CLN6: variants seen among roughly 807,000 people sequenced by gnomAD.
CLN6 encodes CLN6 transmembrane ER protein, also known as ceroid-lipofuscinosis neuronal protein 6.
In CLN6, 22 loss-of-function variants were observed where a neutral mutation model predicts 33.3. That is an observed-to-expected ratio of 0.66 (90% CI 0.47 to 0.94). CLN6 has a LOEUF of 0.94. CLN6 is among the 40% of genes least tolerant of loss of function. CLN6 has a pLI of 0.00. For synonymous variants in CLN6, 201 were observed against 174.6 expected (o/e 1.15, Z -1.19); for missense variants, 387 against 417.1 (o/e 0.93, Z 0.63).
At chr15:68,240,702 G>T (rs1444917706) in intron 1 of CLN6, among the ~76,000 whole-genome samples, 1 of 151,858 alleles carries the variant, frequency 6.6e-6, no homozygotes, top group East Asian at 1.9e-4. Context: ...AAGGGGACAG[G>T]GCCGGGTGCG....
Position 68,211,899 on chromosome 15 carries a change from C to A in CLN6, c.298-36G>T, listed in dbSNP as rs1267844502. 1.2e-6 allele frequency: 2 copies of A among 1,605,716 alleles called. No individual in the cohort carries two copies. Among genetic ancestry groups the A allele is most frequent in the African/African-American group, 1.3e-5 (1 of 74,772 alleles). The stretch of plus-strand genomic sequence containing the variant: ...GAGTGGGGTTGGCAGCATGACCCCA[C>A]CTCTGTCACAGTATGTGACACCCTC... On this transcript the variant is annotated intron_variant, in intron 3 of 6. Transcript: ENST00000249806. The surrounding 1 kb of genome is among the most constrained non-coding windows in gnomAD (Gnocchi z 5.9).
intron 1 of CLN6, among the ~76,000 whole-genome samples, chr15:68,251,417 G>A (rs112855590): frequency 0.066 from 10,026 of 151,816 alleles, 1,086 homozygotes; most frequent in African/African-American, 0.23. Context: ...GCTCACACCT[G>A]TAATCCCAGC....
intron 2 of CLN6, chr15:68,215,346 ACT>A (rs1440595551): frequency 1.3e-5 from 2 of 152,142 alleles, no homozygotes; most frequent in Non-Finnish European, 2.9e-5. Flanking sequence ...TTGCTAAAAT[ACT>A]CTGTGATAGC....
At chr15:68,222,594 G>A (rs989083745) in intron 1 of CLN6, among the ~76,000 whole-genome samples, 3 of 152,180 alleles carry the variant, frequency 2.0e-5, no homozygotes, top group African/African-American at 7.2e-5. Context: ...CTGCCCGGCC[G>A]CCCGGTCTGG....
chr15:68,222,411 A>C (rs1595823488), intron 1 of CLN6, among the ~76,000 whole-genome samples: 6 of 74,334 alleles, frequency 8.1e-5, no homozygotes, highest in African/African-American at 2.8e-4. Context: ...CCGGCTGCCC[A>C]TCGTCTGGGA....
intron 1 of CLN6, among the ~76,000 whole-genome samples, chr15:68,239,534 A>T (rs888218644): frequency 2.6e-5 from 4 of 152,170 alleles, no homozygotes; most frequent in African/African-American, 9.6e-5. Flanking sequence ...TTATACAATG[A>T]TAAAAGGTTT....
Position 68,208,094 on chromosome 15 carries a change from G to GT in CLN6, c.*45_*46insA. The GT allele has an allele frequency of 1.9e-5, 26 of 1,375,264 alleles. No homozygotes were observed. The highest frequency in any genetic ancestry group is 6.3e-5 in the South Asian group (5 of 79,424). The allele number at this position is 1,375,264 out of a possible 1,614,324, so 85.2% of individuals were successfully genotyped here. ...CTCCTGTATTCAGATGCCCTCCATG[G>GT]CCCACCCTCCCACCCAGCAGAGCGC... On this transcript the variant is annotated 3_prime_UTR_variant, in exon 7 of 7. Transcript: ENST00000249806. The surrounding 1 kb of genome is among the most constrained non-coding windows in gnomAD (Gnocchi z 5.8).
In CLN6 at chr15:68,228,486, G is replaced by A. The variant is rs1367377757; in HGVS notation, c.83+1016C>T. On this transcript the variant is annotated intron_variant, in intron 1 of 6. Coordinates refer to ENST00000249806, the MANE Select transcript of CLN6 (RefSeq NM_017882.3). The surrounding 1 kb of genome is among the most constrained non-coding windows in gnomAD (Gnocchi z 4.4). ...GCCTACCCCTAAGTTTTGCAATCTA[G>A]GTCCTCAACTCGAGTCCTAGACTTG... Among the ~76,000 whole-genome samples the A allele has an allele frequency of 1.3e-5, 2 of 152,100 alleles. No individual in the cohort carries two copies. Among genetic ancestry groups the A allele is most frequent in the Non-Finnish European group, 2.9e-5 (2 of 68,012 alleles).
At chr15:68,226,236 T>C (rs1270531127) in intron 1 of CLN6, among the ~76,000 whole-genome samples, 2 of 150,706 alleles carry the variant, frequency 1.3e-5, no homozygotes, top group African/African-American at 2.5e-5. Flanking sequence ...GGAGAATCGC[T>C]TGAACCCGGG....
chr15:68,218,412 G>A (rs2093226424), intron 2 of CLN6, 124 bp downstream of exon 2: 1 of 768,884 alleles, frequency 1.3e-6, no homozygotes, highest in Non-Finnish European at 2.3e-6. Flanking sequence ...AGGCATCCAG[G>A]CCTATTCTCT....
Position 68,227,546 on chromosome 15 carries a change from A to T in CLN6, c.83+1956T>A, listed in dbSNP as rs1016440723. ...AAGCCACATTGTGGGGGGCAGAGAC[A>T]CCCTGGGAGACAGAGAGCTCCCACC... On this transcript the variant is annotated intron_variant, in intron 1 of 6. Transcript: ENST00000249806. The surrounding 1 kb of genome is among the most constrained non-coding windows in gnomAD (Gnocchi z 4.1). Among the ~76,000 whole-genome samples, 1 of 152,072 alleles carries T rather than the reference A, an allele frequency of 6.6e-6. No individual in the cohort carries two copies. The highest frequency in any genetic ancestry group is 1.5e-5 in the Non-Finnish European group (1 of 67,996).
At position 68,211,346 on chromosome 15, in the gene CLN6, C is replaced by T. The variant is rs369649575; in HGVS notation, c.487-28G>A. 10 of 1,612,962 alleles carry T rather than the reference C, an allele frequency of 6.2e-6. 1 individual carries two copies. The highest frequency in any genetic ancestry group is 1.6e-4 in the Middle Eastern group (1 of 6,082). On this transcript the variant is annotated intron_variant, in intron 4 of 6. Coordinates refer to ENST00000249806, the MANE Select transcript of CLN6 (RefSeq NM_017882.3). This position sits in a 1 kb window ranked among gnomAD's most constrained non-coding sequence, Gnocchi z 5.9. ...GAGGGAGGAACGGGCAGGGCAGAGT[C>T]GGGGGATGTCGATGTCAGTCCAGGG...
At chr15:68,216,705 C>T (rs548141455) in intron 2 of CLN6, among the ~76,000 whole-genome samples, 2 of 152,372 alleles carry the variant, frequency 1.3e-5, no homozygotes, top group African/African-American at 4.8e-5. Flanking sequence ...GTCCCTAATG[C>T]TGGACACGCA....
chr15:68,211,929 T>TC lies in CLN6; in HGVS notation c.298-67dup. ...GTCACAGTATGTGACACCCTCTGCTTCCCCCCTCACACCTGGGGTGGGATG... is the reference window on the plus strand; with the variant it reads ...GTCACAGTATGTGACACCCTCTGCTTCCCCCCCTCACACCTGGGGTGGGATG... On this transcript the variant is annotated intron_variant, in intron 3 of 6. Transcript: ENST00000249806. The surrounding 1 kb of genome is among the most constrained non-coding windows in gnomAD (Gnocchi z 5.9). 1 of 1,530,114 alleles carries TC rather than the reference T, an allele frequency of 6.5e-7. No individual in the cohort carries two copies. 94.8% of individuals were successfully genotyped at this position (1,530,114 alleles called of 1,614,324 possible).
rs945528462 is a variant in CLN6, at chr15:68,256,701, G to C, written c.168C>G (p.Phe56Leu). ...GCCTTGAAACTTACTTTTTACCTTT[G>C]AATTTGAGTTTTCTCAGCGAAGTCT... The change falls in exon 1 of 7, where the codon TTC becomes TTG. Residue 56 changes from phenylalanine (F) to leucine (L), a missense_variant. Physicochemically the swap from Phe to Leu is conservative, Grantham distance 22. Coordinates refer to the CLN6 transcript ENST00000538696. This position sits in a 1 kb window ranked among gnomAD's most constrained non-coding sequence, Gnocchi z 4.1. 44 of 674,368 alleles carry C rather than the reference G, an allele frequency of 6.5e-5. No individual in the cohort carries two copies. Among genetic ancestry groups the C allele is most frequent in the Non-Finnish European group, 1.1e-4 (42 of 370,948 alleles). 41.8% of individuals were successfully genotyped at this position (674,368 alleles called of 1,614,324 possible).
In CLN6 at chr15:68,208,343, C is replaced by T. The variant is rs377192977; in HGVS notation, c.733G>A (p.Val245Ile). The T allele has an allele frequency of 7.4e-6, 12 of 1,613,868 alleles. No homozygotes were observed. In the South Asian group the frequency reaches 7.7e-5, roughly 10 times the overall value. ...AGGCGCTTGCGCTTCTGGTGCAGGACGAGGGCCAGCATGGCGAAGAAGGTG... is the reference window on the plus strand; with the variant it reads ...AGGCGCTTGCGCTTCTGGTGCAGGATGAGGGCCAGCATGGCGAAGAAGGTG... ...IFTFFAMLAL[V>I]LHQKRKRLFL... The change falls in exon 7 of 7, where the codon GTC becomes ATC. Residue 245 changes from valine to isoleucine, a missense_variant. By Grantham distance (29) the Val-to-Ile change is conservative. Coordinates refer to ENST00000249806, the MANE Select transcript of CLN6 (RefSeq NM_017882.3). The surrounding 1 kb of genome is among the most constrained non-coding windows in gnomAD (Gnocchi z 5.8).
At chr15:68,222,032 C>T (rs1252281507) in intron 1 of CLN6, among the ~76,000 whole-genome samples, 60 of 132,820 alleles carry the variant, frequency 4.5e-4, no homozygotes, top group Non-Finnish European at 7.3e-4. Flanking sequence ...GGCTGCCCAT[C>T]GTCTGGGATG....
In CLN6 at chr15:68,208,458, C is replaced by T. The variant is rs370531973; in HGVS notation, c.666-48G>A. 4.1e-5 allele frequency: 66 copies of T among 1,607,172 alleles called. No individual in the cohort carries two copies. In the African/African-American group the frequency reaches 8.1e-4, roughly 20 times the overall value. ...AGGCAGCTGCCGTGGCAACCCCGTC[C>T]TGCCTGGCATCCCTTCCTGTGTGCG... On this transcript the variant is annotated intron_variant, in intron 6 of 6. Transcript: ENST00000249806. This position sits in a 1 kb window ranked among gnomAD's most constrained non-coding sequence, Gnocchi z 5.8.
Position 68,256,453 on chromosome 15 carries a change from C to T in CLN6, c.179+237G>A, listed in dbSNP as rs1196582238. 6.6e-6 allele frequency among the ~76,000 whole-genome samples: 1 copy of T among 152,192 alleles called. No homozygotes were observed. Among genetic ancestry groups the T allele is most frequent in the African/African-American group, 2.4e-5 (1 of 41,452 alleles). ...GTGGTTACTAGAAAATGTAAAATTA[C>T]ATATGTGGCTCGCACTGTATTTCTG... On this transcript the variant is annotated intron_variant, in intron 1 of 6. Coordinates refer to the CLN6 transcript ENST00000538696. This position sits in a 1 kb window ranked among gnomAD's most constrained non-coding sequence, Gnocchi z 4.1.
Sources: gnomAD v4.1 joint callset for allele counts (sites outside exome capture counted in the v4.1 genomes callset) on GRCh38, gnomAD v4.1.1 for gene constraint, Gnocchi (gnomAD v3.1) non-coding constraint, MANE v1.5 for transcripts, NCBI Gene and HGNC (gene_info 2026-07-23, HGNC 2026-07-21) for gene names.